Variants in SMYD1 observed in about 807,000 individuals in gnomAD.
The protein encoded by SMYD1 is histone-lysine N-methyltransferase SMYD1.
Under a neutral mutation model 54.0 loss-of-function variants are expected in SMYD1, and 49 were observed. The ratio of observed to expected loss-of-function variants is 0.91; its 90% CI spans 0.72 to 1.15. SMYD1 has a LOEUF of 1.15. SMYD1 is among the 50% of genes most tolerant of loss of function. SMYD1 has a pLI of 0.00. For synonymous variants in SMYD1, 269 were observed against 234.2 expected, an observed-to-expected ratio of 1.15 and a Z score of -1.36; for missense variants, 653 against 639.6, an observed-to-expected ratio of 1.02 and a Z score of -0.23.
At chr2:88,103,269 T>C (rs573712492) in intron 7 of SMYD1, 119 bp downstream of exon 7, 65 of 731,910 alleles carry the variant, frequency 8.9e-5, no homozygotes, top group Non-Finnish European at 1.4e-4. Flanking sequence ...AAGCAGGTTA[T>C]TTTTCTAGAA....
chr2:88,087,869 G>A lies in SMYD1; in HGVS notation c.322G>A (p.Ala108Thr). Residue 108 changes from alanine to threonine, a missense_variant, in exon 3 of 10, where the codon GCG becomes ACG. Coordinates refer to ENST00000419482, the MANE Select transcript of SMYD1 (RefSeq NM_198274.4). ...ACGCTGCCCTTCCCACAGGCTGGCG[G>A]CGCGCATCATGTGGCGGGTGGAGAG... ...KVPNENIRLAARIMWRVEREG... is the reference protein window; with the variant it reads ...KVPNENIRLATRIMWRVEREG... 6.3e-7 allele frequency: 1 copy of A among 1,584,118 alleles called. No individual in the cohort carries two copies. Among genetic ancestry groups the A allele is most frequent in the Non-Finnish European group, 8.6e-7 (1 of 1,164,442 alleles).
At chr2:88,072,019 C>G (rs1268609973) in intron 1 of SMYD1, among the ~76,000 whole-genome samples, 1 of 149,242 alleles carries the variant, frequency 6.7e-6, no homozygotes, top group Non-Finnish European at 1.5e-5. Flanking sequence ...AAAAAAAAAC[C>G]CCAGCTATTA....
chr2:88,068,297 G>A (rs1256756663), intron 1 of SMYD1, among the ~76,000 whole-genome samples: 1 of 152,034 alleles, frequency 6.6e-6, no homozygotes, highest in Middle Eastern at 3.2e-3. Flanking sequence ...TGGAAAGGTG[G>A]GTGTGGTGCT....
chr2:88,093,027 CA>C (rs1384088560), intron 4 of SMYD1, among the ~76,000 whole-genome samples: 1 of 152,244 alleles, frequency 6.6e-6, no homozygotes, highest in East Asian at 1.9e-4. Context: ...GAACCCTAGA[CA>C]TGGGGTTAGG....
chr2:88,094,321 A>G (rs1046954057), intron 5 of SMYD1, among the ~76,000 whole-genome samples: 3 of 152,224 alleles, frequency 2.0e-5, no homozygotes, highest in Non-Finnish European at 4.4e-5. Flanking sequence ...GGACCTTCCT[A>G]GTTCTAAGTC....
rs773711533 is a variant in SMYD1 at position 88,087,949 on chromosome 2, C to T, written c.402C>T (p.Asn134=). 1.2e-5 allele frequency: 20 copies of T among 1,614,020 alleles called. No individual in the cohort carries two copies. Among genetic ancestry groups the T allele is most frequent in the Middle Eastern group, 1.6e-4 (1 of 6,080 alleles). ...TGGTGTCCGTGGACGACTTGCAGAA[C>T]CACGTGGAGCACTTTGGGGAGGAGG... is the stretch of plus-strand genomic sequence containing the variant. ...GCLVSVDDLQ[N]HVEHFGEEEQ... The change falls in exon 3 of 10, where the codon AAC becomes AAT. Residue 134 remains asparagine (N), a synonymous_variant. Transcript: ENST00000419482.
chr2:88,096,622 C>A lies in SMYD1; in HGVS notation c.726C>A (p.Ile242=). The A allele has an allele frequency of 6.2e-7, 1 of 1,613,440 alleles. No homozygotes were observed. Among genetic ancestry groups the A allele is most frequent in the Non-Finnish European group, 8.5e-7 (1 of 1,179,726 alleles). Residue 242 remains isoleucine (I), a synonymous_variant, in exon 6 of 10, where the codon ATC becomes ATA. Coordinates refer to ENST00000419482, the MANE Select transcript of SMYD1 (RefSeq NM_198274.4). ...TTGAGCTCCGGGCCCTAGGCAAGAT[C>A]TCAGAAGGAGAGGAGCTGACTGTGT... is the stretch of plus-strand genomic sequence containing the variant. ...MRIELRALGK[I]SEGEELTVSY...
At chr2:88,093,599 C>A (rs757729646) in intron 5 of SMYD1, 44 bp downstream of exon 5, 1 of 1,611,998 alleles carries the variant, frequency 6.2e-7, no homozygotes, top group Non-Finnish European at 8.5e-7. Flanking sequence ...TGACCCATCT[C>A]CCTCACTTAC....
At position 88,107,951 on chromosome 2, in the gene SMYD1, TGCACCCACTGTCC is replaced by T. The variant is rs1214834040; in HGVS notation, c.1146-418_1146-406del. The stretch of plus-strand genomic sequence containing the variant: ...ACTCGGTGCGCTGCACCCACTGTCC[TGCACCCACTGTCC>T]GACAATCCCCAGTGAGATTAACCTG... On this transcript the variant is annotated intron_variant, in intron 8 of 9. Coordinates refer to ENST00000419482, the MANE Select transcript of SMYD1 (RefSeq NM_198274.4). 2.0e-5 allele frequency among the ~76,000 whole-genome samples: 3 copies of T among 152,250 alleles called. No individual in the cohort carries two copies. The East Asian group carries it at 5.8e-4, about 29-fold the overall frequency.
chr2:88,080,132 G>A (rs371924056), intron 1 of SMYD1, among the ~76,000 whole-genome samples: 54 of 152,274 alleles, frequency 3.5e-4, no homozygotes, highest in African/African-American at 1.2e-3. Flanking sequence ...TCCAGGTTGT[G>A]TTGGCCACAG....
At chr2:88,106,264 A>G (rs1674865069) in intron 7 of SMYD1, 61 bp from the exon 8 acceptor site, 2 of 1,584,228 alleles carry the variant, frequency 1.3e-6, no homozygotes, top group African/African-American at 2.7e-5. Flanking sequence ...ATGGTCGCGT[A>G]TGTGAATTAA....
Position 88,110,556 on chromosome 2 carries a change from G to A in SMYD1, c.*44G>A, listed in dbSNP as rs1345983395. On this transcript the variant is annotated 3_prime_UTR_variant, in exon 10 of 10. Coordinates refer to ENST00000419482, the MANE Select transcript of SMYD1 (RefSeq NM_198274.4). ...GGGGCGATGTGGCTGGGGAGCTAGG[G>A]AGAGACTCTGGAGGTGGTGGGTCTC... The A allele has an allele frequency of 3.3e-6, 5 of 1,508,302 alleles. No individual in the cohort carries two copies. The highest frequency in any genetic ancestry group is 2.5e-5 in the East Asian group (1 of 40,340). 93.4% of individuals were successfully genotyped at this position (1,508,302 alleles called of 1,614,324 possible).
intron 1 of SMYD1, among the ~76,000 whole-genome samples, chr2:88,072,497 C>G (rs1011210478): frequency 9.9e-5 from 15 of 152,142 alleles, no homozygotes; most frequent in Non-Finnish European, 1.6e-4. Flanking sequence ...CACAAAATGT[C>G]CCTAAATTCT....
chr2:88,076,038 C>A (rs116827275), intron 1 of SMYD1, among the ~76,000 whole-genome samples: 1,636 of 152,244 alleles, frequency 0.011, 31 homozygotes, highest in African/African-American at 0.038. Flanking sequence ...ACAATGCCTC[C>A]TCATCTCGTA....
At chr2:88,084,243 C>T (rs1217666703) in intron 1 of SMYD1, 73 bp from the exon 2 acceptor site, 17 of 1,317,828 alleles carry the variant, frequency 1.3e-5, no homozygotes, top group Non-Finnish European at 1.8e-5. Flanking sequence ...TACTGGAACA[C>T]AGGTGTCCCA....
intron 6 of SMYD1, 89 bp downstream of exon 6, chr2:88,096,873 C>A: frequency 2.3e-6 from 3 of 1,330,292 alleles, no homozygotes; most frequent in Non-Finnish European, 3.1e-6. Flanking sequence ...GTGTGCCCTG[C>A]CCATGAGCTT....
At chr2:88,095,472 C>G (rs1674561318) in intron 5 of SMYD1, among the ~76,000 whole-genome samples, 1 of 152,208 alleles carries the variant, frequency 6.6e-6, no homozygotes, top group Non-Finnish European at 1.5e-5. Flanking sequence ...CACCTCAGAC[C>G]ACAGGGAAGG....
chr2:88,096,283 A>G (rs1245544163), intron 5 of SMYD1, among the ~76,000 whole-genome samples: 1 of 152,198 alleles, frequency 6.6e-6, no homozygotes, highest in Non-Finnish European at 1.5e-5. Context: ...TAAAAAGTAA[A>G]AGGAGGCTTA....
intron 1 of SMYD1, among the ~76,000 whole-genome samples, chr2:88,080,125 A>G (rs2103983864): frequency 6.6e-6 from 1 of 152,322 alleles, no homozygotes; most frequent in South Asian, 2.1e-4. Context: ...GAGTTGTTCC[A>G]GGTTGTGTTG....
Sources: gnomAD v4.1 joint callset for allele counts (sites outside exome capture counted in the v4.1 genomes callset) on GRCh38, gnomAD v4.1.1 for gene constraint, MANE v1.5 for transcripts, NCBI Gene and HGNC (gene_info 2026-07-23, HGNC 2026-07-21) for gene names.